The following SNX29 variants were observed in gnomAD, a reference collection of about 807,000 sequenced individuals.
The protein encoded by SNX29 is sorting nexin-29.
SNX29 carries 78 observed loss-of-function variants against 102.1 expected under a neutral mutation model. The ratio of observed to expected loss-of-function variants is 0.76; its 90% confidence interval spans 0.64 to 0.92. The LOEUF (loss-of-function observed/expected upper bound fraction) is 0.92. SNX29 is among the 40% of genes least tolerant of loss of function. The pLI is 0.00. For missense variants in SNX29, 1,280 were observed against 1,061.7 expected, an observed-to-expected ratio of 1.21 and a Z score of -2.86; for synonymous variants, 580 against 414.5, an observed-to-expected ratio of 1.40 and a Z score of -4.85.
rs1011362958 is a variant in SNX29, at chr16:12,524,896, G to C, written c.2318+55G>C. 2.5e-6 allele frequency: 4 copies of C among 1,592,806 alleles called. No homozygotes were observed. The East Asian group carries it at 6.8e-5, about 27-fold the overall frequency. Reference sequence around the variant, plus strand: ...CCAGCCCTGCCAGCATTTTTTTCTCGGTCGTTTTGGAAGGTCAGGGAGCAC... The same window carrying C: ...CCAGCCCTGCCAGCATTTTTTTCTCCGTCGTTTTGGAAGGTCAGGGAGCAC... On this transcript the variant is annotated intron_variant, in intron 20 of 20. Transcript: ENST00000566228.
At chr16:12,538,738 C>G (rs992909833) in intron 20 of SNX29, among the ~76,000 whole-genome samples, 2 of 152,162 alleles carry the variant, frequency 1.3e-5, no homozygotes, top group Non-Finnish European at 2.9e-5. Flanking sequence ...ACAGGAGAAG[C>G]ACACCCATAT....
At chr16:12,563,617 ACGAG>A in intron 20 of SNX29, among the ~76,000 whole-genome samples, 1 of 84,346 alleles carries the variant, frequency 1.2e-5, no homozygotes, top group Non-Finnish European at 2.3e-5. Flanking sequence ...CATCTCACAG[ACGAG>A]ACTGTCCTGG....
chr16:12,273,342 GTT>G lies in SNX29; in HGVS notation c.1679-4579_1679-4578del, dbSNP rs59985462. On this transcript the variant is annotated intron_variant, in intron 14 of 20. Coordinates refer to ENST00000566228, the MANE Select transcript of SNX29 (RefSeq NM_032167.5). The stretch of plus-strand genomic sequence containing the variant: ...TTTTAGTGGTGGTTTTTTGTTTTTT[GTT>G]TTTTTTTTTTTGTTGTTGTTTGTTT... 2.5e-3 allele frequency among the ~76,000 whole-genome samples: 356 copies of G among 145,042 alleles called. 1 individual carries two copies. Among genetic ancestry groups the G allele is most frequent in the Middle Eastern group, 3.5e-3 (1 of 288 alleles).
At chr16:12,274,429 G>A (rs939417148) in intron 14 of SNX29, among the ~76,000 whole-genome samples, 4 of 152,016 alleles carry the variant, frequency 2.6e-5, no homozygotes, top group African/African-American at 7.3e-5. Context: ...CCTGCCCCTC[G>A]TGTCTGTTGG....
At chr16:12,225,546 C>T (rs750145673) in intron 14 of SNX29, among the ~76,000 whole-genome samples, 1 of 152,146 alleles carries the variant, frequency 6.6e-6, no homozygotes, top group South Asian at 2.1e-4. Flanking sequence ...ATTGTGAGGC[C>T]TCTCCAGCCA....
At chr16:12,529,572 G>A (rs1457200063) in intron 20 of SNX29, among the ~76,000 whole-genome samples, 5 of 152,200 alleles carry the variant, frequency 3.3e-5, no homozygotes, top group Admixed American at 1.3e-4. Context: ...GCTCCTTGAG[G>A]AGAGAGAAAG....
intron 13 of SNX29, among the ~76,000 whole-genome samples, chr16:12,198,998 G>A (rs761384439): frequency 3.9e-5 from 6 of 152,130 alleles, no homozygotes; most frequent in Non-Finnish European, 7.3e-5. Context: ...GTCATACCCT[G>A]GGTTCTGTGT....
At chr16:12,077,271 C>G (rs964562208) in intron 10 of SNX29, among the ~76,000 whole-genome samples, 9 of 144,334 alleles carry the variant, frequency 6.2e-5, no homozygotes, top group Admixed American at 2.7e-4. Context: ...GGAGTGAGAA[C>G]CTGTCTTAAA....
intron 15 of SNX29, among the ~76,000 whole-genome samples, chr16:12,296,801 TG>T (rs1429159453): frequency 3.3e-5 from 5 of 152,222 alleles, no homozygotes; most frequent in African/African-American, 9.6e-5. Context: ...AGGGTAAACG[TG>T]GTTATCGCCA....
chr16:12,190,078 T>G (rs935605523), intron 13 of SNX29, among the ~76,000 whole-genome samples: 1 of 152,208 alleles, frequency 6.6e-6, no homozygotes, highest in Non-Finnish European at 1.5e-5. Flanking sequence ...AGCTTTGGGC[T>G]GAATTGCTTG....
chr16:12,480,741 T>A (rs2087867001), intron 19 of SNX29, among the ~76,000 whole-genome samples: 1 of 152,046 alleles, frequency 6.6e-6, no homozygotes. Flanking sequence ...CTGAAAACAC[T>A]GGATTTGAGT....
chr16:12,563,508 C>T (rs67654391), intron 20 of SNX29, among the ~76,000 whole-genome samples: 1 of 152,022 alleles, frequency 6.6e-6, no homozygotes, highest in Non-Finnish European at 1.5e-5. Context: ...GGGGAGACTC[C>T]TCCCCGCATG....
At chr16:12,069,544 T>C (rs2051194473) in intron 10 of SNX29, among the ~76,000 whole-genome samples, 1 of 150,058 alleles carries the variant, frequency 6.7e-6, no homozygotes, top group Non-Finnish European at 1.5e-5. Context: ...CTGGGATTAC[T>C]GATGTGAGCA....
intron 13 of SNX29, among the ~76,000 whole-genome samples, chr16:12,179,568 T>A (rs1045803355): frequency 6.6e-6 from 1 of 152,258 alleles, no homozygotes; most frequent in Non-Finnish European, 1.5e-5. Context: ...CCTGAGCCTA[T>A]GGCCAGTATA....
At chr16:12,191,423 C>T (rs1448770976) in intron 13 of SNX29, among the ~76,000 whole-genome samples, 4 of 152,176 alleles carry the variant, frequency 2.6e-5, no homozygotes, top group African/African-American at 9.7e-5. Flanking sequence ...TGACTTACCT[C>T]CTCTGTAGGT....
chr16:12,229,732 G>A (rs1460187300), intron 14 of SNX29, among the ~76,000 whole-genome samples: 2 of 152,128 alleles, frequency 1.3e-5, no homozygotes, highest in African/African-American at 2.4e-5. Context: ...TGTTCTTGGG[G>A]TAGTGCCTTC....
chr16:12,531,319 G>A (rs1011632945), intron 20 of SNX29, among the ~76,000 whole-genome samples: 1 of 152,234 alleles, frequency 6.6e-6, no homozygotes, highest in Non-Finnish European at 1.5e-5. Context: ...GCCCTGGCAG[G>A]TGTGTGAACT....
intron 20 of SNX29, among the ~76,000 whole-genome samples, chr16:12,548,068 A>T (rs916099): frequency 9.2e-5 from 14 of 152,032 alleles, no homozygotes; most frequent in African/African-American, 3.1e-4. Flanking sequence ...ACACACGGTC[A>T]GGCATGACAT....
intron 20 of SNX29, among the ~76,000 whole-genome samples, chr16:12,543,305 A>T (rs28501600): frequency 6.6e-6 from 1 of 152,132 alleles, no homozygotes; most frequent in African/African-American, 2.4e-5. Context: ...GGCCCGGGGA[A>T]TGGAGCACCT....
Sources: gnomAD v4.1 joint callset for allele counts (sites outside exome capture counted in the v4.1 genomes callset) on GRCh38, gnomAD v4.1.1 for gene constraint, MANE v1.5 for transcripts, NCBI Gene and HGNC (gene_info 2026-07-23, HGNC 2026-07-21) for gene names.